The following APBB2 variants were observed in gnomAD, a reference collection of about 807,000 sequenced individuals.
The protein encoded by APBB2 is Fe65-like 1.
A neutral mutation model predicts 82.5 loss-of-function variants in APBB2; 38 were observed. The observed-to-expected ratio is 0.46, with a 90% CI of 0.36 to 0.60. The LOEUF (loss-of-function observed/expected upper bound fraction) is 0.60. Among genes scored for constraint, APBB2 ranks in the 20% least tolerant of loss-of-function variants. The pLI is 0.00. For missense variants in APBB2, 772 were observed against 972.3 expected, an observed-to-expected ratio of 0.79 and a Z score of 2.74; for synonymous variants, 341 against 368.2, an observed-to-expected ratio of 0.93 and a Z score of 0.85.
chr4:40,907,122 C>T (rs1411895304), intron 10 of APBB2, among the ~76,000 whole-genome samples: 1 of 151,820 alleles, frequency 6.6e-6, no homozygotes, highest in African/African-American at 2.4e-5. Flanking sequence ...ACACATGAGG[C>T]AGATATTATT....
At chr4:40,831,105 T>C (rs1321475612) in intron 12 of APBB2, among the ~76,000 whole-genome samples, 4 of 151,834 alleles carry the variant, frequency 2.6e-5, no homozygotes, top group Admixed American at 2.0e-4. Context: ...CCTCTAAAAA[T>C]TTTTTTAAAA....
intron 12 of APBB2, among the ~76,000 whole-genome samples, chr4:40,863,641 C>T (rs1763323532): frequency 6.6e-6 from 1 of 152,134 alleles, no homozygotes; most frequent in African/African-American, 2.4e-5. Context: ...ACCTGTAATC[C>T]CAGCACTTTG....
At chr4:40,896,487 A>G (rs961079143) in intron 10 of APBB2, among the ~76,000 whole-genome samples, 4 of 152,246 alleles carry the variant, frequency 2.6e-5, no homozygotes, top group Non-Finnish European at 4.4e-5. Flanking sequence ...GCTCGTTTGT[A>G]AAAATGGGAG....
intron 6 of APBB2, among the ~76,000 whole-genome samples, chr4:40,965,592 A>G (rs954019223): frequency 5.3e-5 from 8 of 152,214 alleles, no homozygotes; most frequent in Non-Finnish European, 2.9e-5. Context: ...TATGGATTCT[A>G]TGTCAAAATG....
chr4:40,903,017 C>G (rs949867332), intron 10 of APBB2, among the ~76,000 whole-genome samples: 2 of 152,212 alleles, frequency 1.3e-5, no homozygotes, highest in African/African-American at 4.8e-5. Flanking sequence ...GTGGTGCACA[C>G]CTGTAGTCCC....
chr4:41,081,160 T>C lies in APBB2; in HGVS notation c.-148-15487A>G, dbSNP rs778784977. ...GAGTTACACTATGCTCACATGGTAT[T>C]TTGAAGAGCTGAGATAAATTTATCT... On this transcript the variant is annotated intron_variant, in intron 3 of 17. Coordinates refer to ENST00000508593, the MANE Select transcript of APBB2 (RefSeq NM_004307.2). Among the ~76,000 whole-genome samples the C allele has an allele frequency of 6.0e-4, 91 of 152,366 alleles. 1 individual carries two copies. The highest frequency in any genetic ancestry group is 1.2e-3 in the South Asian group (6 of 4,830).
intron 1 of APBB2, among the ~76,000 whole-genome samples, chr4:41,162,270 C>T (rs1474144455): frequency 6.7e-6 from 1 of 148,416 alleles, no homozygotes; most frequent in Non-Finnish European, 1.5e-5. Context: ...TCACAGTCTA[C>T]ACATAGCAAC....
intron 10 of APBB2, among the ~76,000 whole-genome samples, chr4:40,912,686 AG>A (rs1778879766): frequency 6.6e-6 from 1 of 152,228 alleles, no homozygotes. Flanking sequence ...GTTACACAAA[AG>A]GGAACTTCAT....
chr4:40,825,528 A>G (rs1749613101), intron 15 of APBB2, among the ~76,000 whole-genome samples: 1 of 152,250 alleles, frequency 6.6e-6, no homozygotes, highest in Admixed American at 6.5e-5. Context: ...CTGGCCCGCC[A>G]GCTGACAAGA....
intron 2 of APBB2, among the ~76,000 whole-genome samples, chr4:41,135,929 C>T (rs975741709): frequency 6.6e-6 from 1 of 152,206 alleles, no homozygotes; most frequent in African/African-American, 2.4e-5. Context: ...CCTCAGCCTC[C>T]TGAATAGCTG....
chr4:40,994,563 C>T (rs1803086913), intron 6 of APBB2, among the ~76,000 whole-genome samples: 1 of 151,898 alleles, frequency 6.6e-6, no homozygotes, highest in Admixed American at 6.6e-5. Context: ...CCTGTAATCC[C>T]AGCACTTTGG....
At position 40,845,588 on chromosome 4, in the gene APBB2, CAAAAAAAAAAA is replaced by C. The variant is rs71198606; in HGVS notation, c.1530-15022_1530-15012del. On this transcript the variant is annotated intron_variant, in intron 12 of 17. Transcript: ENST00000508593. The stretch of plus-strand genomic sequence containing the variant: ...GAATCCAAATGAAAAGGAAATTCCT[CAAAAAAAAAAA>C]AAAAAAAAAAAAAAAACCAGCACAC... 9.1e-3 allele frequency among the ~76,000 whole-genome samples: 513 copies of C among 56,488 alleles called. 9 individuals are homozygous for C. Among genetic ancestry groups the C allele is most frequent in the African/African-American group, 0.037 (486 of 13,198 alleles). 37.1% of individuals were successfully genotyped at this position (56,488 alleles called of 152,430 possible).
chr4:40,934,968 ACT>A, intron 8 of APBB2, 107 bp downstream of exon 8: 2 of 952,278 alleles, frequency 2.1e-6, no homozygotes, highest in Non-Finnish European at 3.1e-6. Flanking sequence ...AAGCCCGATC[ACT>A]GTGTCCCTGC....
chr4:40,850,343 A>T (rs571328317), intron 12 of APBB2, among the ~76,000 whole-genome samples: 1 of 152,328 alleles, frequency 6.6e-6, no homozygotes, highest in East Asian at 1.9e-4. Context: ...CAACTATAAC[A>T]AGTATGTCAT....
intron 6 of APBB2, among the ~76,000 whole-genome samples, chr4:41,013,227 T>G (rs368337409): frequency 6.6e-6 from 1 of 152,230 alleles, no homozygotes; most frequent in South Asian, 2.1e-4. Flanking sequence ...TTTTATTATT[T>G]TGCTTACCAA....
At chr4:40,858,743 A>G (rs1334621608) in intron 12 of APBB2, among the ~76,000 whole-genome samples, 1 of 152,166 alleles carries the variant, frequency 6.6e-6, no homozygotes, top group African/African-American at 2.4e-5. Context: ...TGTGCAGAAA[A>G]TTTTATATTA....
At position 40,937,387 on chromosome 4, in the gene APBB2, T is replaced by C. The variant is rs191555198; in HGVS notation, c.1045-2248A>G. On this transcript the variant is annotated intron_variant, in intron 7 of 17. Transcript: ENST00000508593. ...CAGTTCTCTGCGTGTGTGTGGTTTTTAAAATTTTTAATGCATTTACTCTTT... is the reference window on the plus strand; with the variant it reads ...CAGTTCTCTGCGTGTGTGTGGTTTTCAAAATTTTTAATGCATTTACTCTTT... Among the ~76,000 whole-genome samples, 183 of 152,356 alleles carry C rather than the reference T, an allele frequency of 1.2e-3. 1 individual carries two copies. The highest frequency in any genetic ancestry group is 4.2e-3 in the African/African-American group (173 of 41,596).
At chr4:40,865,221 A>C (rs1763765898) in intron 12 of APBB2, among the ~76,000 whole-genome samples, 1 of 152,200 alleles carries the variant, frequency 6.6e-6, no homozygotes, top group Non-Finnish European at 1.5e-5. Context: ...CTCCCTGGAA[A>C]GCAGAATTGC....
rs1376256885 is a variant in APBB2 at position 40,933,556 on chromosome 4, T to TC, written c.1254+899dup. On this transcript the variant is annotated intron_variant, in intron 10 of 17. Coordinates refer to ENST00000508593, the MANE Select transcript of APBB2 (RefSeq NM_004307.2). ...CAGACTGGGCTGGTCACCACCACGCTCCAATCCCAAGATACCCAGGGAGTG... is the reference window on the plus strand; with the variant it reads ...CAGACTGGGCTGGTCACCACCACGCTCCCAATCCCAAGATACCCAGGGAGTG... Among the ~76,000 whole-genome samples, 3 of 152,108 alleles carry TC rather than the reference T, an allele frequency of 2.0e-5. No individual in the cohort carries two copies. The East Asian group carries it at 5.8e-4, about 29-fold the overall frequency.
Sources: gnomAD v4.1 joint callset for allele counts (sites outside exome capture counted in the v4.1 genomes callset) on GRCh38, gnomAD v4.1.1 for gene constraint, MANE v1.5 for transcripts, NCBI Gene and HGNC (gene_info 2026-07-23, HGNC 2026-07-21) for gene names.